The following SEMA3A variants were observed in gnomAD, a reference collection of about 807,000 sequenced individuals.
The protein encoded by SEMA3A is semaphorin-3A.
Under a neutral mutation model 97.9 loss-of-function variants are expected in SEMA3A, and 29 were observed. The ratio of observed to expected loss-of-function variants is 0.30; its 90% confidence interval spans 0.22 to 0.40. The LOEUF (loss-of-function observed/expected upper bound fraction) is 0.40. Ranked by LOEUF, SEMA3A falls within the 10% of genes least tolerant of loss-of-function variation. The probability of loss-of-function intolerance (pLI) is 1.00; values close to 1 mark genes in which losing one functional copy is unlikely to be tolerated. For missense variants in SEMA3A, 763 were observed against 951.3 expected (o/e 0.80, Z 2.60); for synonymous variants, 321 against 323.7 (o/e 0.99, Z 0.09).
intron 12 of SEMA3A, among the ~76,000 whole-genome samples, chr7:83,989,436 T>C (rs1789790174): frequency 6.9e-6 from 1 of 144,018 alleles, no homozygotes; most frequent in Non-Finnish European, 1.5e-5. Flanking sequence ...CATCTAGCAT[T>C]AGGTATATCT....
At chr7:84,251,119 A>G (rs545491580) in intron 3 of SEMA3A, among the ~76,000 whole-genome samples, 9 of 152,324 alleles carry the variant, frequency 5.9e-5, no homozygotes, top group African/African-American at 1.9e-4. Context: ...TTATGTAACA[A>G]AAGAAAGGTA....
At chr7:84,310,999 G>GTT (rs1460331748) in intron 2 of SEMA3A, among the ~76,000 whole-genome samples, 2 of 77,706 alleles carry the variant, frequency 2.6e-5, no homozygotes, top group South Asian at 4.0e-4. Context: ...ATTAGTAGAT[G>GTT]TTATATATAT....
chr7:84,413,797 TA>T (rs1804347859), intron 1 of SEMA3A, among the ~76,000 whole-genome samples: 1 of 152,128 alleles, frequency 6.6e-6, no homozygotes, highest in Non-Finnish European at 1.5e-5. Context: ...AAAGAAACAA[TA>T]AATAATGGGA....
chr7:84,441,198 A>C (rs35939344), intron 1 of SEMA3A, among the ~76,000 whole-genome samples: 15 of 151,832 alleles, frequency 9.9e-5, no homozygotes, highest in Middle Eastern at 3.4e-3. Context: ...AATAAAAAAA[A>C]CAGAAACTGA....
At chr7:84,310,399 T>G (rs905263554) in intron 2 of SEMA3A, among the ~76,000 whole-genome samples, 1 of 151,954 alleles carries the variant, frequency 6.6e-6, no homozygotes, top group Non-Finnish European at 1.5e-5. Context: ...CATATAATTT[T>G]TGTTTAAAAA....
chr7:84,424,628 T>TAATATATAATATATAA (rs1804719210), intron 1 of SEMA3A, among the ~76,000 whole-genome samples: 2 of 45,564 alleles, frequency 4.4e-5, no homozygotes, highest in East Asian at 5.7e-4. Flanking sequence ...ATATATAATA[T>TAATATATAATATATAA]ATATACAATA....
At chr7:83,981,148 T>TAACTA (rs2116318593) in intron 14 of SEMA3A, among the ~76,000 whole-genome samples, 173 bp downstream of exon 14, 1 of 152,292 alleles carries the variant, frequency 6.6e-6, no homozygotes, top group Admixed American at 6.5e-5. Flanking sequence ...CTGATTGTTT[T>TAACTA]AACTATTTGA....
chr7:84,097,127 A>C (rs2115879799), intron 4 of SEMA3A, among the ~76,000 whole-genome samples: 1 of 152,250 alleles, frequency 6.6e-6, no homozygotes, highest in East Asian at 1.9e-4. Flanking sequence ...GAAGCAATTT[A>C]AATATGAGGT....
intron 1 of SEMA3A, among the ~76,000 whole-genome samples, chr7:84,151,617 G>C (rs1796674706): frequency 6.6e-6 from 1 of 152,286 alleles, no homozygotes; most frequent in South Asian, 2.1e-4. Flanking sequence ...CGTCTGATTG[G>C]TGTACCTGAA....
chr7:84,455,048 T>C (rs1190987450), intron 1 of SEMA3A, among the ~76,000 whole-genome samples: 1 of 152,024 alleles, frequency 6.6e-6, no homozygotes, highest in Non-Finnish European at 1.5e-5. Context: ...TCTCATTTTA[T>C]GACATTGAAT....
chr7:84,101,677 T>A (rs537173224), intron 4 of SEMA3A, among the ~76,000 whole-genome samples: 3 of 152,108 alleles, frequency 2.0e-5, no homozygotes, highest in Non-Finnish European at 4.4e-5. Flanking sequence ...AGCAACAATA[T>A]TGGATTTCAA....
intron 6 of SEMA3A, among the ~76,000 whole-genome samples, chr7:84,026,536 A>T (rs1294111832): frequency 2.0e-5 from 3 of 152,220 alleles, no homozygotes; most frequent in Admixed American, 6.5e-5. Flanking sequence ...CCATAAAGAC[A>T]CATGCACATG....
At chr7:84,367,605 G>A (rs1200289010) in intron 2 of SEMA3A, among the ~76,000 whole-genome samples, 1 of 150,822 alleles carries the variant, frequency 6.6e-6, no homozygotes, top group African/African-American at 2.4e-5. Flanking sequence ...CTGGATGTGA[G>A]TTGAGGCTTA....
chr7:84,395,224 T>C (rs1051784371), intron 1 of SEMA3A, among the ~76,000 whole-genome samples: 3 of 152,096 alleles, frequency 2.0e-5, no homozygotes, highest in African/African-American at 7.2e-5. Context: ...TCCTCAGCTT[T>C]ATAGAACTCA....
intron 4 of SEMA3A, among the ~76,000 whole-genome samples, chr7:84,082,092 A>G (rs1794185674): frequency 6.6e-6 from 1 of 152,172 alleles, no homozygotes; most frequent in South Asian, 2.1e-4. Context: ...AAGTGGTAGA[A>G]GAAAAGGACT....
chr7:84,458,063 T>G (rs1206893694), intron 1 of SEMA3A, among the ~76,000 whole-genome samples: 2 of 152,024 alleles, frequency 1.3e-5, no homozygotes, highest in East Asian at 1.9e-4. Flanking sequence ...GTTTACAACC[T>G]GTTTCTTCAA....
chr7:84,089,291 T>C lies in SEMA3A; in HGVS notation c.453+21179A>G, dbSNP rs143039622. On this transcript the variant is annotated intron_variant, in intron 4 of 16. Transcript: ENST00000265362. The stretch of plus-strand genomic sequence containing the variant: ...GTATACGCACATATAATGCAACTAG[T>C]ATAACTGGTACTAATTTTGCCATTT... 2.7e-3 allele frequency among the ~76,000 whole-genome samples: 410 copies of C among 152,306 alleles called. 2 individuals are homozygous for C. The highest frequency in any genetic ancestry group is 9.3e-3 in the African/African-American group (387 of 41,580).
chr7:84,146,805 CTT>C (rs1205344657), intron 1 of SEMA3A, among the ~76,000 whole-genome samples: 1 of 152,078 alleles, frequency 6.6e-6, no homozygotes, highest in African/African-American at 2.4e-5. Context: ...GAAATTAAAA[CTT>C]TGTTTTTGAT....
chr7:84,339,573 A>C (rs181759030), intron 2 of SEMA3A, among the ~76,000 whole-genome samples: 2 of 152,248 alleles, frequency 1.3e-5, no homozygotes, highest in Admixed American at 1.3e-4. Flanking sequence ...TGACTTAAAG[A>C]ATGTTTGCAA....
Sources: gnomAD v4.1 joint callset for allele counts (sites outside exome capture counted in the v4.1 genomes callset) on GRCh38, gnomAD v4.1.1 for gene constraint, MANE v1.5 for transcripts, NCBI Gene and HGNC (gene_info 2026-07-23, HGNC 2026-07-21) for gene names.